Variants in NBEA observed in about 807,000 individuals in gnomAD.
NBEA encodes the protein lysosomal-trafficking regulator 2.
A neutral mutation model predicts 343.4 loss-of-function variants in NBEA; 44 were observed. The ratio of observed to expected loss-of-function variants is 0.13; its 90% CI spans 0.10 to 0.16. The LOEUF (loss-of-function observed/expected upper bound fraction) is 0.16. Ranked by LOEUF, NBEA falls within the 10% of genes least tolerant of loss-of-function variation. NBEA has a pLI of 1.00. For synonymous variants in NBEA, 1,175 were observed against 1,238.7 expected, an observed-to-expected ratio of 0.95 and a Z score of 1.08; for missense variants, 2,555 against 3,631.3, an observed-to-expected ratio of 0.70 and a Z score of 7.62.
chr13:35,571,303 C>T (rs9315359), intron 45 of NBEA, among the ~76,000 whole-genome samples: 134,125 of 152,214 alleles, frequency 0.88, 61,594 homozygotes, highest in East Asian at 1. Context: ...TGGGAAACTT[C>T]TGAATGAAAG....
intron 1 of NBEA, among the ~76,000 whole-genome samples, chr13:35,009,252 A>G (rs1430556726): frequency 5.3e-5 from 8 of 152,214 alleles, no homozygotes. Flanking sequence ...CACAGGTTAC[A>G]TTTTAGGGAC....
intron 13 of NBEA, among the ~76,000 whole-genome samples, chr13:35,111,384 C>A (rs2066197647): frequency 6.6e-6 from 1 of 151,210 alleles, no homozygotes; most frequent in Admixed American, 6.6e-5. Context: ...GAAACTAATT[C>A]TTCACTGTGA....
chr13:35,206,052 T>C (rs1461611684), intron 31 of NBEA, among the ~76,000 whole-genome samples: 2 of 152,076 alleles, frequency 1.3e-5, no homozygotes, highest in African/African-American at 2.4e-5. Context: ...CAATGAAATA[T>C]CTGGAGGCTT....
intron 1 of NBEA, among the ~76,000 whole-genome samples, chr13:34,980,835 G>A (rs958049235): frequency 1.3e-5 from 2 of 151,976 alleles, no homozygotes; most frequent in African/African-American, 4.8e-5. Context: ...TTTGTCGGAT[G>A]ATTTTTCTAC....
chr13:35,006,921 T>G (rs2061338295), intron 1 of NBEA, among the ~76,000 whole-genome samples: 1 of 152,190 alleles, frequency 6.6e-6, no homozygotes, highest in Non-Finnish European at 1.5e-5. Flanking sequence ...CCTGGCTGAT[T>G]TTTGTATTTG....
chr13:35,660,191 A>G (rs1025302524), intron 55 of NBEA, among the ~76,000 whole-genome samples: 4 of 152,224 alleles, frequency 2.6e-5, no homozygotes, highest in African/African-American at 4.8e-5. Flanking sequence ...GATAGTCACA[A>G]TAGAGGCAAG....
chr13:35,165,053 G>C, intron 24 of NBEA: 1 of 533,526 alleles, frequency 1.9e-6, no homozygotes, highest in East Asian at 5.5e-5. Context: ...TACTTGCTCA[G>C]ATGGGAAAGA....
intron 33 of NBEA, among the ~76,000 whole-genome samples, chr13:35,229,287 C>T (rs878880000): frequency 6.6e-6 from 1 of 152,152 alleles, no homozygotes; most frequent in Non-Finnish European, 1.5e-5. Flanking sequence ...CTTCTTCAGT[C>T]TTCCAAAGCG....
At chr13:35,134,032 G>A (rs1448960512) in intron 17 of NBEA, among the ~76,000 whole-genome samples, 1 of 151,990 alleles carries the variant, frequency 6.6e-6, no homozygotes, top group Non-Finnish European at 1.5e-5. Flanking sequence ...AACACAATGA[G>A]TTGAACCTGA....
chr13:35,624,851 A>G (rs1379938950), intron 48 of NBEA, among the ~76,000 whole-genome samples: 1 of 152,072 alleles, frequency 6.6e-6, no homozygotes, highest in Non-Finnish European at 1.5e-5. Context: ...AGAGCAAAAG[A>G]AAAGGAGGAA....
chr13:35,229,776 T>TA (rs1221431299), intron 33 of NBEA, among the ~76,000 whole-genome samples: 1 of 152,146 alleles, frequency 6.6e-6, no homozygotes, highest in Non-Finnish European at 1.5e-5. Context: ...AAGTTTATGT[T>TA]TGTACCATTT....
chr13:35,260,951 G>T (rs2033154366), intron 34 of NBEA, among the ~76,000 whole-genome samples: 1 of 152,036 alleles, frequency 6.6e-6, no homozygotes, highest in African/African-American at 2.4e-5. Context: ...CTTCAAAATA[G>T]GCCTCAAATG....
chr13:35,292,926 A>T (rs1167701489), intron 35 of NBEA, among the ~76,000 whole-genome samples: 1 of 152,046 alleles, frequency 6.6e-6, no homozygotes, highest in Non-Finnish European at 1.5e-5. Flanking sequence ...AGTATTAAAA[A>T]GGGAAAAGAA....
chr13:35,440,301 T>A (rs2152936416), intron 39 of NBEA, among the ~76,000 whole-genome samples: 1 of 152,358 alleles, frequency 6.6e-6, no homozygotes, highest in African/African-American at 2.4e-5. Flanking sequence ...TATTTCCAAA[T>A]CATTTCTGAC....
At chr13:35,368,776 A>G (rs2041266163) in intron 38 of NBEA, among the ~76,000 whole-genome samples, 1 of 151,724 alleles carries the variant, frequency 6.6e-6, no homozygotes, top group Non-Finnish European at 1.5e-5. Context: ...GTTAGTTATT[A>G]TTATGTCATT....
chr13:35,097,588 C>T (rs2065404441), intron 10 of NBEA, among the ~76,000 whole-genome samples: 1 of 151,918 alleles, frequency 6.6e-6, no homozygotes, highest in Non-Finnish European at 1.5e-5. Flanking sequence ...AAGCTTAATT[C>T]AATGCAATCA....
chr13:35,147,392 A>G (rs1247601655), intron 18 of NBEA, among the ~76,000 whole-genome samples: 2 of 152,236 alleles, frequency 1.3e-5, no homozygotes, highest in African/African-American at 4.8e-5. Flanking sequence ...TCAAAGGTAC[A>G]TGCACCTGAT....
At chr13:35,131,655 C>T (rs1181322443) in intron 17 of NBEA, among the ~76,000 whole-genome samples, 2 of 152,284 alleles carry the variant, frequency 1.3e-5, no homozygotes, top group East Asian at 1.9e-4. Context: ...CTTTCACCAC[C>T]CCTGTTTGAC....
chr13:35,011,315 G>A (rs1290729987), intron 1 of NBEA, among the ~76,000 whole-genome samples: 1 of 152,124 alleles, frequency 6.6e-6, no homozygotes, highest in African/African-American at 2.4e-5. Context: ...CTGGGAAATG[G>A]ATTGTAGAGG....
Sources: gnomAD v4.1 joint callset for allele counts (sites outside exome capture counted in the v4.1 genomes callset) on GRCh38, gnomAD v4.1.1 for gene constraint, MANE v1.5 for transcripts, NCBI Gene and HGNC (gene_info 2026-07-23, HGNC 2026-07-21) for gene names.